Variants in WNK1 observed in about 807,000 individuals in gnomAD.
WNK1 encodes serine/threonine-protein kinase WNK1.
WNK1 carries 38 observed loss-of-function variants against 222.8 expected under a neutral mutation model. The ratio of observed to expected loss-of-function variants is 0.17; its 90% CI spans 0.13 to 0.22. The LOEUF is 0.22. Among genes scored for constraint, WNK1 ranks in the 10% least tolerant of loss-of-function variants. The pLI, the probability that WNK1 is intolerant of heterozygous loss-of-function variation, is 1.00. For synonymous variants in WNK1, 1,090 were observed against 1,092.9 expected, an observed-to-expected ratio of 1.00 and a Z score of 0.05; for missense variants, 2,348 against 2,918.4, an observed-to-expected ratio of 0.80 and a Z score of 4.50.
rs950375760 is a variant in WNK1 at position 881,332 on chromosome 12, A to C, written c.3111+333A>C. On this transcript the variant is annotated intron_variant, in intron 12 of 27. Transcript: ENST00000315939. ...GAGTATCTTACCCTCCTGTGCTCTC[A>C]GCAATCATTTTTGCCCTGCTAGGAG... 9.0e-6 allele frequency: 4 copies of C among 442,570 alleles called. No homozygotes were observed. In the East Asian group the frequency reaches 1.9e-4, roughly 21 times the overall value. The allele number at this position is 442,570 out of a possible 1,614,324, so 27.4% of individuals were successfully genotyped here.
intron 2 of WNK1, among the ~76,000 whole-genome samples, chr12:825,834 G>A (rs1353745821): frequency 1.3e-5 from 2 of 152,188 alleles, no homozygotes; most frequent in Non-Finnish European, 2.9e-5. Flanking sequence ...GTATTTTAAA[G>A]ATACTGAAAG....
chr12:861,443 A>T, intron 7 of WNK1, 100 bp downstream of exon 7: 1 of 1,082,718 alleles, frequency 9.2e-7, no homozygotes, highest in Non-Finnish European at 1.4e-6. Flanking sequence ...TTGAATTATG[A>T]ATCCTACTAT....
intron 1 of WNK1, among the ~76,000 whole-genome samples, chr12:758,952 C>CA (rs1412865126): frequency 1.4e-5 from 2 of 147,162 alleles, no homozygotes; most frequent in East Asian, 3.9e-4. Context: ...AATTCTGATG[C>CA]AAGAGCCTAG....
At chr12:764,634 C>CAAAAAAAAAA (rs529312629) in intron 1 of WNK1, among the ~76,000 whole-genome samples, 3 of 50,158 alleles carry the variant, frequency 6.0e-5, no homozygotes, top group Non-Finnish European at 1.1e-4. Flanking sequence ...AACTCCGTCT[C>CAAAAAAAAAA]AAAAAAAAAA....
In WNK1 at chr12:885,981, C is replaced by T. The variant is rs145675918; in HGVS notation, c.5177C>T (p.Thr1726Ile). The T allele has an allele frequency of 3.8e-6, 6 of 1,590,944 alleles. No homozygotes were observed. The highest frequency in any genetic ancestry group is 4.5e-5 in the East Asian group (2 of 44,820). ...CTAGGAACAGTTGCTTTGCCAGTTA[C>T]ACCAGTGGTCACACCTGGGCAAGTT... ...LPLGTVALPV[T>I]PVVTPGQVST... Residue 1726 changes from threonine (T) to isoleucine (I), a missense_variant, in exon 19 of 28, where the codon ACA (threonine) becomes ATA (isoleucine). By Grantham distance (89) the Thr-to-Ile change is moderately conservative (BLOSUM62 -1). Transcript: ENST00000315939.
rs1953182389 is a variant in WNK1 at position 881,752 on chromosome 12, G to C, written c.3172G>C (p.Ala1058Pro). 6.2e-7 allele frequency: 1 copy of C among 1,614,064 alleles called. No individual in the cohort carries two copies. Among genetic ancestry groups the C allele is most frequent in the African/African-American group, 1.3e-5 (1 of 74,908 alleles). The change falls in exon 13 of 28, where the codon GCT (alanine) becomes CCT (proline). Residue 1058 changes from alanine to proline, a missense_variant. Transcript: ENST00000315939. ...AEPVAVAQTQ[A>P]TQPTTLASSV... ...GCCAGTTGCAGTAGCACAGACCCAA[G>C]CTACCCAGCCGACCACTTTGGCTTC...
At position 857,189 on chromosome 12, in the gene WNK1, T is replaced by C; in HGVS notation, c.1340T>C (p.Val447Ala). Residue 447 changes from valine (V) to alanine (A), a missense_variant, in exon 5 of 28, where the codon GTA (valine) becomes GCA (alanine). Around this residue, in one of 13 missense-constraint regions of WNK1, gnomAD observed 37 missense variants for 102.8 expected, o/e 0.36. Transcript: ENST00000315939. ...SGVKPASFDK[V>A]AIPEVKEIIE... is the part of the protein sequence containing the mutation. The stretch of plus-strand genomic sequence containing the variant: ...GTGAAGCCAGCCAGTTTTGACAAAG[T>C]AGCAATTCCTGAAGTGAAGGAAATT... 6.2e-7 allele frequency: 1 copy of C among 1,614,168 alleles called. No individual in the cohort carries two copies. The highest frequency in any genetic ancestry group is 8.5e-7 in the Non-Finnish European group (1 of 1,180,012).
At chr12:887,335 T>C in intron 20 of WNK1, 31 bp downstream of exon 20, 1 of 1,609,134 alleles carries the variant, frequency 6.2e-7, no homozygotes, top group South Asian at 1.1e-5. Context: ...TTTCTTCCTG[T>C]GCCCTACTTT....
intron 4 of WNK1, among the ~76,000 whole-genome samples, chr12:853,708 A>G (rs1170375453): frequency 6.6e-6 from 1 of 152,244 alleles, no homozygotes; most frequent in Non-Finnish European, 1.5e-5. Flanking sequence ...TTTTATTGCC[A>G]GTAGGCTACA....
chr12:834,609 G>A (rs1414976122), intron 4 of WNK1, among the ~76,000 whole-genome samples: 3 of 152,152 alleles, frequency 2.0e-5, no homozygotes, highest in African/African-American at 4.8e-5. Flanking sequence ...CCTTGCCCTA[G>A]TTATTGCCAT....
At chr12:807,321 A>AATG (rs1946457869) in intron 1 of WNK1, among the ~76,000 whole-genome samples, 1 of 148,980 alleles carries the variant, frequency 6.7e-6, no homozygotes, top group Non-Finnish European at 1.5e-5. Context: ...TCCGGAGATT[A>AATG]ATGAGTCCTC....
Position 911,207 on chromosome 12 carries a change from ATC to A in WNK1, c.*2417_*2418del. The A allele has an allele frequency of 2.5e-6, 1 of 398,338 alleles. No homozygotes were observed. Among genetic ancestry groups the A allele is most frequent in the Non-Finnish European group, 4.4e-6 (1 of 225,962 alleles). The allele number at this position is 398,338 out of a possible 1,614,324, so 24.7% of individuals were successfully genotyped here. A position where few individuals can be genotyped will look rare whatever the true frequency, so the allele number is the denominator to read the frequency against. ...TTTGTGTTAATAGTACACTTTGAGTATCTTTTTCCACATTAAAAACTTTCTGA... is the reference window on the plus strand; with the variant it reads ...TTTGTGTTAATAGTACACTTTGAGTATTTTTCCACATTAAAAACTTTCTGA... On this transcript the variant is annotated 3_prime_UTR_variant, in exon 28 of 28. Transcript: ENST00000315939.
intron 26 of WNK1, among the ~76,000 whole-genome samples, chr12:903,657 T>G (rs545699981): frequency 6.6e-6 from 1 of 152,320 alleles, no homozygotes; most frequent in Non-Finnish European, 1.5e-5. Flanking sequence ...TTGAATCTTG[T>G]CACTTCCCTT....
At chr12:893,871 C>T (rs561829959) in intron 22 of WNK1, among the ~76,000 whole-genome samples, 9 of 118,764 alleles carry the variant, frequency 7.6e-5, no homozygotes, top group Admixed American at 2.8e-4. Context: ...CTATCCTATT[C>T]TAGAATTTGC....
Position 911,212 on chromosome 12 carries a change from T to C in WNK1, c.*2420T>C, listed in dbSNP as rs914359318. The C allele has an allele frequency of 5.0e-6, 2 of 398,284 alleles. No individual in the cohort carries two copies. The highest frequency in any genetic ancestry group is 4.1e-5 in the African/African-American group (2 of 48,636). The allele number at this position is 398,284 out of a possible 1,614,324, so 24.7% of individuals were successfully genotyped here. The stretch of plus-strand genomic sequence containing the variant: ...GTTAATAGTACACTTTGAGTATCTT[T>C]TTCCACATTAAAAACTTTCTGAATT... On this transcript the variant is annotated 3_prime_UTR_variant, in exon 28 of 28. Transcript: ENST00000315939.
chr12:803,389 A>C (rs1946063178), intron 1 of WNK1, among the ~76,000 whole-genome samples: 1 of 152,242 alleles, frequency 6.6e-6, no homozygotes, highest in Non-Finnish European at 1.5e-5. Context: ...TTGTAAAACT[A>C]TAAAAATATA....
chr12:806,450 A>G (rs1053366143), intron 1 of WNK1, among the ~76,000 whole-genome samples: 12 of 152,330 alleles, frequency 7.9e-5, no homozygotes, highest in South Asian at 2.1e-4. Context: ...TCCTTTCGTA[A>G]CAAGTGCCCC....
intron 1 of WNK1, among the ~76,000 whole-genome samples, chr12:772,694 G>A (rs2153952559): frequency 1.3e-5 from 2 of 152,132 alleles, no homozygotes; most frequent in East Asian, 3.9e-4. Flanking sequence ...TCCCACAGAT[G>A]CAAACATTTA....
intron 2 of WNK1, among the ~76,000 whole-genome samples, chr12:817,126 C>T (rs572785790): frequency 2.6e-5 from 4 of 152,202 alleles, no homozygotes; most frequent in Non-Finnish European, 5.9e-5. Flanking sequence ...AGCAACAGAA[C>T]ACACAAAAAA....
Sources: allele counts gnomAD v4.1 joint callset (sites outside exome capture counted in the v4.1 genomes callset), GRCh38; gene constraint gnomAD v4.1.1; regional missense constraint gnomAD v4.1.1; transcripts MANE v1.5; gene names NCBI Gene and HGNC (gene_info 2026-07-23, HGNC 2026-07-21).